Variants in NOS1AP observed in about 807,000 individuals in gnomAD.
The protein encoded by NOS1AP is carboxyl-terminal PDZ ligand of neuronal nitric oxide synthase protein.
Under a neutral mutation model 56.2 loss-of-function variants are expected in NOS1AP, and 21 were observed. The observed-to-expected ratio is 0.37, with a 90% CI of 0.26 to 0.54. NOS1AP has a LOEUF of 0.54. Ranked by LOEUF, NOS1AP falls within the 20% of genes least tolerant of loss-of-function variation. NOS1AP has a pLI of 0.84. For synonymous variants in NOS1AP, 270 were observed against 274.6 expected (o/e 0.98, Z 0.17); for missense variants, 522 against 657.8 (o/e 0.79, Z 2.26).
rs561376614 is a variant in NOS1AP at position 162,115,652 on chromosome 1, A to G, written c.106-38753A>G. On this transcript the variant is annotated intron_variant, in intron 1 of 9. Transcript: ENST00000361897. ...TGAGTCCAATGTGCGTTTTGCCAAC[A>G]GCCCCATGTGATTTTTCCGTATAGT... Among the ~76,000 whole-genome samples the G allele has an allele frequency of 1.6e-4, 24 of 152,272 alleles. No individual in the cohort carries two copies. In the East Asian group the frequency reaches 4.0e-3, roughly 26 times the overall value.
intron 2 of NOS1AP, among the ~76,000 whole-genome samples, chr1:162,167,439 C>T (rs1650553098): frequency 1.3e-5 from 2 of 152,268 alleles, no homozygotes; most frequent in African/African-American, 4.8e-5. Flanking sequence ...AGGCAGGGTC[C>T]TCCCCTCTAG....
At chr1:162,276,146 A>T (rs149905598) in intron 2 of NOS1AP, among the ~76,000 whole-genome samples, 2 of 152,306 alleles carry the variant, frequency 1.3e-5, no homozygotes, top group African/African-American at 4.8e-5. Flanking sequence ...TGACCCTCGG[A>T]GTCAAGGCTG....
At chr1:162,283,276 G>A (rs1654992885) in intron 2 of NOS1AP, among the ~76,000 whole-genome samples, 1 of 152,062 alleles carries the variant, frequency 6.6e-6, no homozygotes, top group Non-Finnish European at 1.5e-5. Context: ...AGCATCTGAT[G>A]GCCCCAGCCC....
intron 2 of NOS1AP, among the ~76,000 whole-genome samples, chr1:162,204,973 A>G (rs937446910): frequency 3.9e-5 from 6 of 152,224 alleles, no homozygotes; most frequent in Non-Finnish European, 7.3e-5. Context: ...GAAGATATCC[A>G]GGTTCTCTGC....
intron 2 of NOS1AP, among the ~76,000 whole-genome samples, chr1:162,170,952 A>C (rs1207099454): frequency 6.6e-6 from 1 of 151,710 alleles, no homozygotes. Flanking sequence ...AAAAAAAAAA[A>C]AGAAAAGAAA....
chr1:162,078,101 A>G (rs534875408), intron 1 of NOS1AP, among the ~76,000 whole-genome samples: 1 of 151,214 alleles, frequency 6.6e-6, no homozygotes, highest in African/African-American at 2.4e-5. Context: ...TGGCTGTTCT[A>G]CCTCCTCCCT....
intron 8 of NOS1AP, among the ~76,000 whole-genome samples, chr1:162,362,670 A>G (rs1042089781): frequency 4.6e-5 from 7 of 152,206 alleles, no homozygotes; most frequent in African/African-American, 1.7e-4. Context: ...TTATTTGCTC[A>G]GTAGGTTCCT....
At chr1:162,080,868 ATTAAT>A (rs1456946776) in intron 1 of NOS1AP, among the ~76,000 whole-genome samples, 1 of 152,184 alleles carries the variant, frequency 6.6e-6, no homozygotes, top group East Asian at 1.9e-4. Context: ...CTATGAAACG[ATTAAT>A]TTAATTCTCC....
At chr1:162,095,619 C>T (rs1439724998) in intron 1 of NOS1AP, among the ~76,000 whole-genome samples, 2 of 152,148 alleles carry the variant, frequency 1.3e-5, no homozygotes, top group African/African-American at 4.8e-5. Flanking sequence ...GTATTAAGTT[C>T]TGTAGGGACC....
intron 2 of NOS1AP, among the ~76,000 whole-genome samples, chr1:162,155,275 TATACAC>T (rs1164624465): frequency 3.5e-5 from 5 of 143,326 alleles, no homozygotes; most frequent in Non-Finnish European, 7.6e-5. Flanking sequence ...TACACATACA[TATACAC>T]ATATATACAT....
intron 2 of NOS1AP, among the ~76,000 whole-genome samples, chr1:162,264,198 T>C (rs1437810360): frequency 1.3e-5 from 2 of 152,164 alleles, no homozygotes; most frequent in African/African-American, 4.8e-5. Flanking sequence ...GTAAAGGCCA[T>C]ACTTCTTCAC....
chr1:162,225,992 A>G (rs1652928331), intron 2 of NOS1AP, among the ~76,000 whole-genome samples: 1 of 152,246 alleles, frequency 6.6e-6, no homozygotes, highest in African/African-American at 2.4e-5. Context: ...CTTGTATTCA[A>G]CATTCAAGGA....
Position 162,188,535 on chromosome 1 carries a change from G to A in NOS1AP, c.177+34059G>A, listed in dbSNP as rs979767889. On this transcript the variant is annotated intron_variant, in intron 2 of 9. Transcript: ENST00000361897. The surrounding 1 kb of genome is among the most constrained non-coding windows in gnomAD (Gnocchi z 4.0). ...ATATATGCCACACAGCCTACAACTC[G>A]ACTCTGGCAAATGTTGAAAGTGCCT... Among the ~76,000 whole-genome samples the A allele has an allele frequency of 2.0e-5, 3 of 152,130 alleles. No homozygotes were observed. The highest frequency in any genetic ancestry group is 7.2e-5 in the African/African-American group (3 of 41,428).
intron 1 of NOS1AP, among the ~76,000 whole-genome samples, chr1:162,133,631 T>A (rs1648852710): frequency 6.6e-6 from 1 of 152,246 alleles, no homozygotes; most frequent in Non-Finnish European, 1.5e-5. Context: ...GTGACTCATA[T>A]GTGGTTAGCA....
At chr1:162,320,794 T>C (rs1169941031) in intron 4 of NOS1AP, among the ~76,000 whole-genome samples, 6 of 151,798 alleles carry the variant, frequency 4.0e-5, no homozygotes, top group African/African-American at 1.5e-4. Flanking sequence ...GTGGAGGTTG[T>C]AGTGAGCCGA....
intron 1 of NOS1AP, among the ~76,000 whole-genome samples, chr1:162,123,761 A>G (rs1407421752): frequency 2.0e-5 from 3 of 152,098 alleles, no homozygotes; most frequent in African/African-American, 7.2e-5. Context: ...CCTCTCTCAT[A>G]TTCATTGATC....
At chr1:162,118,835 G>C (rs1018093234) in intron 1 of NOS1AP, among the ~76,000 whole-genome samples, 9 of 152,114 alleles carry the variant, frequency 5.9e-5, no homozygotes, top group African/African-American at 2.2e-4. Flanking sequence ...CATCTCTTTT[G>C]GACTCTGTGA....
intron 2 of NOS1AP, among the ~76,000 whole-genome samples, chr1:162,215,364 G>A (rs2101651338): frequency 6.6e-6 from 1 of 152,246 alleles, no homozygotes; most frequent in East Asian, 1.9e-4. Context: ...CACTGGTGAT[G>A]CACTGGACCT....
chr1:162,291,848 C>T (rs1167028545), intron 3 of NOS1AP, among the ~76,000 whole-genome samples: 1 of 152,128 alleles, frequency 6.6e-6, no homozygotes, highest in Non-Finnish European at 1.5e-5. Flanking sequence ...CATCTAGGCT[C>T]AAGTAATTAT....
Sources: gnomAD v4.1 joint callset for allele counts (sites outside exome capture counted in the v4.1 genomes callset) on GRCh38, gnomAD v4.1.1 for gene constraint, Gnocchi (gnomAD v3.1) non-coding constraint, MANE v1.5 for transcripts, NCBI Gene and HGNC (gene_info 2026-07-23, HGNC 2026-07-21) for gene names.